LIG3: variants seen among roughly 807,000 people sequenced by gnomAD.
The protein encoded by LIG3 is ligase II, DNA, ATP-dependent.
In LIG3, 58 loss-of-function variants were observed where a neutral mutation model predicts 110.9. That is an observed-to-expected ratio of 0.52 (90% CI 0.42 to 0.65). The LOEUF (loss-of-function observed/expected upper bound fraction) is 0.65. Among genes scored for constraint, LIG3 ranks in the 30% least tolerant of loss-of-function variants. LIG3 has a pLI of 0.00. For missense variants in LIG3, 1,094 were observed against 1,273.8 expected, an observed-to-expected ratio of 0.86 and a Z score of 2.15; for synonymous variants, 422 against 472.8, an observed-to-expected ratio of 0.89 and a Z score of 1.39.
chr17:35,002,630 T>G, intron 18 of LIG3, 38 bp from the exon 19 acceptor site: 2 of 1,598,132 alleles, frequency 1.3e-6, no homozygotes, highest in Non-Finnish European at 1.7e-6. Context: ...GGACTATAGG[T>G]GTGCACCACC....
In LIG3 at chr17:35,006,938, G is replaced by A. The variant is rs1173406025; in HGVS notation, c.*2432G>A. On this transcript the variant is annotated 3_prime_UTR_variant, in exon 20 of 20. Transcript: ENST00000378526. ...TCCTGACTCTAGCCCAGGACATTTG[G>A]TGTTTTTGAATAGGCACCATTCAGC... 6.6e-6 allele frequency: 1 copy of A among 152,276 alleles called. No individual in the cohort carries two copies. The highest frequency in any genetic ancestry group is 1.5e-5 in the Non-Finnish European group (1 of 68,106). The allele number at this position is 152,276 out of a possible 1,614,324, so 9.4% of individuals were successfully genotyped here.
intron 3 of LIG3, among the ~76,000 whole-genome samples, chr17:34,987,050 G>A (rs189000824): frequency 6.6e-6 from 1 of 152,216 alleles, no homozygotes; most frequent in African/African-American, 2.4e-5. Context: ...GCTATTATTT[G>A]TAGGACAGAT....
In LIG3 at chr17:34,996,059, T is replaced by A; in HGVS notation, c.1612-5T>A. 6.2e-7 allele frequency: 1 copy of A among 1,611,988 alleles called. No individual in the cohort carries two copies. The highest frequency in any genetic ancestry group is 8.5e-7 in the Non-Finnish European group (1 of 1,178,698). ...CCCTCACCAAAGCTCCCCTTCTGCT[T>A]TCAGGTGGCCCACTTTAAGGACTAC... On this transcript the variant is annotated splice_region_variant and splice_polypyrimidine_tract_variant and intron_variant, in intron 9 of 19. Transcript: ENST00000378526.
chr17:34,994,941 T>C (rs1220141124), intron 9 of LIG3, among the ~76,000 whole-genome samples: 1 of 152,200 alleles, frequency 6.6e-6, no homozygotes, highest in Non-Finnish European at 1.5e-5. Context: ...CACAGTCTTA[T>C]GGGGACATCT....
chr17:34,998,979 TG>T, intron 14 of LIG3: 1 of 518,332 alleles, frequency 1.9e-6, no homozygotes. Flanking sequence ...CGTCAGGGCC[TG>T]ACAGCTTTCT....
chr17:34,999,223 C>T, intron 14 of LIG3, 84 bp from the exon 15 acceptor site: 1 of 1,468,972 alleles, frequency 6.8e-7, no homozygotes, highest in Non-Finnish European at 9.2e-7. Context: ...GGCCAGGACC[C>T]AAGGTCCTCT....
Position 34,998,214 on chromosome 17 carries a change from C to G in LIG3, c.1912-5C>G. ...ACCAACTTCAGCATCTCTCTTGTCC[C>G]TCAGAAAGCTTTGGACTTGGCTGAC... is the stretch of plus-strand genomic sequence containing the variant. On this transcript the variant is annotated splice_polypyrimidine_tract_variant and splice_region_variant and intron_variant, in intron 12 of 19. Transcript: ENST00000378526. The G allele has an allele frequency of 6.2e-7, 1 of 1,610,628 alleles. No individual in the cohort carries two copies. Among genetic ancestry groups the G allele is most frequent in the African/African-American group, 1.3e-5 (1 of 74,962 alleles).
chr17:34,983,414 T>C lies in LIG3; in HGVS notation c.409T>C (p.Trp137Arg). The C allele has an allele frequency of 6.2e-7, 1 of 1,613,538 alleles. No individual in the cohort carries two copies. The highest frequency in any genetic ancestry group is 1.1e-5 in the South Asian group (1 of 91,058). ...FSESGGDMKE[W>R]YHIKCMFEKL... ...AGAGTCTGGGGGTGATATGAAAGAG[T>C]GGTACCACATTAAATGCATGTTTGA... Residue 137 changes from tryptophan (W) to arginine (R), a missense_variant, in exon 2 of 20, where the codon TGG becomes CGG. Coordinates refer to ENST00000378526, the MANE Select transcript of LIG3 (RefSeq NM_013975.4).
At chr17:34,989,062 G>A (rs1348041636) in intron 3 of LIG3, among the ~76,000 whole-genome samples, 4 of 151,662 alleles carry the variant, frequency 2.6e-5, no homozygotes, top group South Asian at 2.1e-4. Context: ...GGCTGGTCTC[G>A]AACTCCTGGG....
Position 34,992,641 on chromosome 17 carries a change from A to G in LIG3, c.1404A>G (p.Arg468=), listed in dbSNP as rs2090736801. 6.2e-7 allele frequency: 1 copy of G among 1,613,254 alleles called. No homozygotes were observed. The highest frequency in any genetic ancestry group is 8.5e-7 in the Non-Finnish European group (1 of 1,179,670). Residue 468 remains arginine, a synonymous_variant, in exon 8 of 20, where the codon AGA becomes AGG. Coordinates refer to ENST00000378526, the MANE Select transcript of LIG3 (RefSeq NM_013975.4). The part of the protein sequence containing the change: ...AQEVEKEPGQ[R]RALSVQASLM... ...AGGTGGAGAAGGAGCCGGGCCAGAG[A>G]CGAGCTCTGAGCGTCCAGGCCTCGC...
At position 34,982,905 on chromosome 17, in the gene LIG3, A is replaced by G. The variant is rs543887529; in HGVS notation, c.-4-97A>G. The G allele has an allele frequency of 8.1e-6, 7 of 866,674 alleles. No homozygotes were observed. In the East Asian group the frequency reaches 1.6e-4, roughly 20 times the overall value. The allele number at this position is 866,674 out of a possible 1,614,324, so 53.7% of individuals were successfully genotyped here. On this transcript the variant is annotated intron_variant, in intron 1 of 19. Coordinates refer to ENST00000378526, the MANE Select transcript of LIG3 (RefSeq NM_013975.4). ...TTTGGAAAGTGTTTGATTAGTCATC[A>G]TGGACTATATAAGACGCTGGCCTTT...
chr17:34,998,198 A>G lies in LIG3; in HGVS notation c.1912-21A>G, dbSNP rs763338606. 8.1e-6 allele frequency: 13 copies of G among 1,597,308 alleles called. No individual in the cohort carries two copies. The South Asian group carries it at 1.3e-4, about 17-fold the overall frequency. ...CCTTCTCCACTCTCACACCAACTTC[A>G]GCATCTCTCTTGTCCCTCAGAAAGC... On this transcript the variant is annotated intron_variant, in intron 12 of 19. Coordinates refer to ENST00000378526, the MANE Select transcript of LIG3 (RefSeq NM_013975.4).
intron 1 of LIG3, among the ~76,000 whole-genome samples, chr17:34,981,831 T>A (rs1254474605): frequency 6.6e-6 from 1 of 152,268 alleles, no homozygotes; most frequent in Non-Finnish European, 1.5e-5. Flanking sequence ...TTAGAAAACA[T>A]GAATATAAGA....
intron 9 of LIG3, 30 bp from the exon 10 acceptor site, chr17:34,996,034 C>T (rs371155767): frequency 1.2e-6 from 2 of 1,603,876 alleles, no homozygotes; most frequent in Non-Finnish European, 8.5e-7. Context: ...GCCATGTCAT[C>T]CCTCACCAAA....
intron 2 of LIG3, among the ~76,000 whole-genome samples, chr17:34,984,159 A>C (rs2090632867): frequency 6.6e-6 from 1 of 152,176 alleles, no homozygotes; most frequent in South Asian, 2.1e-4. Context: ...TTGTCAATGG[A>C]TTGAGTCATA....
At position 34,980,512 on chromosome 17, in the gene LIG3, G is replaced by C; in HGVS notation, c.-115G>C. The C allele has an allele frequency of 7.9e-7, 1 of 1,270,812 alleles. No homozygotes were observed. Among genetic ancestry groups the C allele is most frequent in the Non-Finnish European group, 1.0e-6 (1 of 974,234 alleles). 78.7% of individuals were successfully genotyped at this position (1,270,812 alleles called of 1,614,324 possible). ...CTCTTGCGCCTGCGCGCTGCCTCCC[G>C]CTCTAGGACCCGGATTTAAAGAGAC... On this transcript the variant is annotated 5_prime_UTR_variant, in exon 1 of 20. Coordinates refer to ENST00000378526, the MANE Select transcript of LIG3 (RefSeq NM_013975.4).
Position 35,009,203 on chromosome 17 carries a change from G to A in LIG3, c.*4697G>A, listed in dbSNP as rs1307923955. Reference sequence around the variant, plus strand: ...TGGGTTTGCTTTAACCTCCAAGTAAGTCTGAGAAAATCTTAATAAAAGCCA... The same window carrying A: ...TGGGTTTGCTTTAACCTCCAAGTAAATCTGAGAAAATCTTAATAAAAGCCA... On this transcript the variant is annotated 3_prime_UTR_variant, in exon 20 of 20. Coordinates refer to ENST00000378526, the MANE Select transcript of LIG3 (RefSeq NM_013975.4). 1 of 152,624 alleles carries A rather than the reference G, an allele frequency of 6.6e-6. No individual in the cohort carries two copies. Among genetic ancestry groups the A allele is most frequent in the East Asian group, 1.9e-4 (1 of 5,204 alleles). The allele number at this position is 152,624 out of a possible 1,614,324, so 9.5% of individuals were successfully genotyped here. A position where few individuals can be genotyped will look rare whatever the true frequency, so the allele number is the denominator to read the frequency against.
At chr17:34,996,798 G>A (rs557919165) in intron 11 of LIG3, 145 bp downstream of exon 11, 5 of 694,100 alleles carry the variant, frequency 7.2e-6, no homozygotes, top group African/African-American at 3.5e-5. Context: ...CTTGCCAAAG[G>A]CAATGGCAAG....
chr17:34,993,527 T>G (rs562050636), intron 8 of LIG3, among the ~76,000 whole-genome samples: 1 of 152,294 alleles, frequency 6.6e-6, no homozygotes, highest in South Asian at 2.1e-4. Flanking sequence ...TGTTCTATAG[T>G]TTGTCATTTA....
Sources: gnomAD v4.1 joint callset for allele counts (sites outside exome capture counted in the v4.1 genomes callset) on GRCh38, gnomAD v4.1.1 for gene constraint, MANE v1.5 for transcripts, NCBI Gene and HGNC (gene_info 2026-07-23, HGNC 2026-07-21) for gene names.